Variants in TRPM3 observed in about 807,000 individuals in gnomAD.
TRPM3 encodes the protein transient receptor potential cation channel subfamily M member 3.
TRPM3 carries 77 observed loss-of-function variants against 181.2 expected under a neutral mutation model. That is an observed-to-expected ratio of 0.42 (90% CI 0.35 to 0.51). The LOEUF (loss-of-function observed/expected upper bound fraction) is 0.51. Among genes scored for constraint, TRPM3 ranks in the 20% least tolerant of loss-of-function variants. The pLI is 0.01. For synonymous variants in TRPM3, 745 were observed against 796.4 expected (o/e 0.94, Z 1.09); for missense variants, 1,759 against 2,196.7 (o/e 0.80, Z 3.98).
chr9:71,256,770 C>A (rs2082701263), intron 1 of TRPM3, among the ~76,000 whole-genome samples: 1 of 151,976 alleles, frequency 6.6e-6, no homozygotes, highest in Non-Finnish European at 1.5e-5. Context: ...TAGCAGGAGG[C>A]CCTTGCAAGG....
intron 1 of TRPM3, among the ~76,000 whole-genome samples, chr9:71,111,825 T>G (rs1347439774): frequency 6.6e-6 from 1 of 152,194 alleles, no homozygotes; most frequent in Non-Finnish European, 1.5e-5. Context: ...AAATAGTTAT[T>G]TGCCTTCTTT....
intron 22 of TRPM3, among the ~76,000 whole-genome samples, chr9:70,578,956 AG>A (rs895146090): frequency 2.0e-5 from 3 of 152,142 alleles, no homozygotes; most frequent in Non-Finnish European, 2.9e-5. Flanking sequence ...AAATACTTTC[AG>A]GGAGTGCCAA....
At chr9:71,101,577 C>T (rs927801021) in intron 1 of TRPM3, among the ~76,000 whole-genome samples, 9 of 152,102 alleles carry the variant, frequency 5.9e-5, no homozygotes. Flanking sequence ...AAAATTGGCA[C>T]ATAGCTGTGT....
intron 1 of TRPM3, among the ~76,000 whole-genome samples, chr9:71,331,438 A>G (rs901573146): frequency 1.3e-5 from 2 of 151,860 alleles, no homozygotes; most frequent in South Asian, 2.1e-4. Context: ...TGACATAGTT[A>G]CTGGACATAG....
In TRPM3 at chr9:70,536,203, T is replaced by C; in HGVS notation, c.4910A>G (p.Asn1637Ser). 6.2e-7 allele frequency: 1 copy of C among 1,614,228 alleles called. No individual in the cohort carries two copies. The highest frequency in any genetic ancestry group is 1.7e-5 in the Admixed American group (1 of 60,032). ...EGDNSERTLSNNITVPKIERA... is the reference protein window; with the variant it reads ...EGDNSERTLSSNITVPKIERA... ...CTCTATCTTGGGAACAGTGATGTTG[T>C]TGGACAGGGTTCTCTCTGAGTTATC... Residue 1637 changes from asparagine to serine, a missense_variant, in exon 26 of 26, where the codon AAC becomes AGC. Transcript: ENST00000677713.
intron 1 of TRPM3, among the ~76,000 whole-genome samples, chr9:71,113,369 G>A (rs568867792): frequency 2.2e-4 from 33 of 152,284 alleles, no homozygotes; most frequent in Admixed American, 1.4e-3. Flanking sequence ...TCCAGTTTGG[G>A]CAATGTGGTG....
intron 1 of TRPM3, among the ~76,000 whole-genome samples, chr9:71,065,300 G>A (rs1224349839): frequency 6.6e-6 from 1 of 152,118 alleles, no homozygotes; most frequent in Admixed American, 6.6e-5. Context: ...CCACTAATTG[G>A]TTTAAAGTTC....
At chr9:71,430,844 T>C (rs1022111334) in intron 1 of TRPM3, among the ~76,000 whole-genome samples, 2 of 152,168 alleles carry the variant, frequency 1.3e-5, no homozygotes, top group Non-Finnish European at 2.9e-5. Context: ...AGGGGTATTT[T>C]TGATTAAATG....
At chr9:70,830,891 T>G (rs2093848222) in intron 5 of TRPM3, among the ~76,000 whole-genome samples, 1 of 152,198 alleles carries the variant, frequency 6.6e-6, no homozygotes, top group Admixed American at 6.5e-5. Context: ...TGCTCTATTT[T>G]ACCAACTATA....
intron 12 of TRPM3, among the ~76,000 whole-genome samples, chr9:70,630,152 G>A (rs184836029): frequency 6.6e-6 from 1 of 152,338 alleles, no homozygotes; most frequent in East Asian, 1.9e-4. Flanking sequence ...TGACCCCATA[G>A]AGGAAACAGC....
chr9:70,813,967 A>G (rs1456827267), intron 6 of TRPM3, among the ~76,000 whole-genome samples: 1 of 152,250 alleles, frequency 6.6e-6, no homozygotes, highest in African/African-American at 2.4e-5. Flanking sequence ...GTATACAGCT[A>G]TACCTTATTT....
intron 25 of TRPM3, among the ~76,000 whole-genome samples, chr9:70,542,080 C>T (rs1248544984): frequency 6.6e-6 from 1 of 152,114 alleles, no homozygotes; most frequent in East Asian, 1.9e-4. Context: ...CAGATGGCGC[C>T]ATTGTACTCC....
At chr9:70,841,892 G>C (rs2094691280) in intron 5 of TRPM3, among the ~76,000 whole-genome samples, 1 of 151,574 alleles carries the variant, frequency 6.6e-6, no homozygotes, top group African/African-American at 2.4e-5. Context: ...AGGCACACAT[G>C]GACATACAGA....
At chr9:70,787,763 C>CTTTTTTTTTTTTTTTTTTTTGTTTT (rs2084054300) in intron 6 of TRPM3, among the ~76,000 whole-genome samples, 20 of 68,558 alleles carry the variant, frequency 2.9e-4, no homozygotes, top group East Asian at 6.0e-4. Flanking sequence ...TTTTTGGATT[C>CTTTTTTTTTTTTTTTTTTTTGTTTT]TTTTTTTTTT....
In TRPM3 at chr9:70,639,184, A is replaced by G; in HGVS notation, c.1457T>C (p.Leu486Pro). 1 of 1,613,848 alleles carries G rather than the reference A, an allele frequency of 6.2e-7. No individual in the cohort carries two copies. Among genetic ancestry groups the G allele is most frequent in the Non-Finnish European group, 8.5e-7 (1 of 1,179,860 alleles). Residue 486 changes from leucine (L) to proline (P), a missense_variant, in exon 11 of 26, where the codon CTG (leucine) becomes CCG (proline). Coordinates refer to ENST00000677713, the MANE Select transcript of TRPM3 (RefSeq NM_001366145.2). ...IYGQQWPVGS[L>P]EQAMLDALVL... ...TAAGGCATCCAACATGGCTTGCTCC[A>G]GAGATCCCACCTGCAAACCAAGTCA...
In TRPM3 at chr9:71,431,791, C is replaced by A. The variant is rs1330137190; in HGVS notation, c.183+14862G>T. 3.9e-5 allele frequency among the ~76,000 whole-genome samples: 6 copies of A among 152,150 alleles called. No individual in the cohort carries two copies. The East Asian group carries it at 9.6e-4, about 24-fold the overall frequency. On this transcript the variant is annotated intron_variant, in intron 1 of 24. Transcript: ENST00000357533. ...GATGATGAAAGATTACATAAGAGAT[C>A]ATTGAAACAGCCTGGTATTAATAAA...
At chr9:71,213,865 AT>A (rs2079676234) in intron 1 of TRPM3, among the ~76,000 whole-genome samples, 5 of 152,138 alleles carry the variant, frequency 3.3e-5, no homozygotes, top group Admixed American at 3.3e-4. Flanking sequence ...TAACCTACAT[AT>A]TTTTTCCTGG....
intron 1 of TRPM3, among the ~76,000 whole-genome samples, chr9:71,252,822 A>G (rs1049322189): frequency 7.0e-6 from 1 of 143,044 alleles, no homozygotes; most frequent in Non-Finnish European, 1.5e-5. Context: ...ACAGGCATGC[A>G]CACCTCGCCT....
intron 1 of TRPM3, among the ~76,000 whole-genome samples, chr9:71,184,683 A>C (rs1053808759): frequency 6.6e-6 from 1 of 152,240 alleles, no homozygotes; most frequent in Non-Finnish European, 1.5e-5. Flanking sequence ...TCTCATGAGC[A>C]GTCTCCATTT....
Sources: allele counts gnomAD v4.1 joint callset (sites outside exome capture counted in the v4.1 genomes callset), GRCh38; gene constraint gnomAD v4.1.1; transcripts MANE v1.5; gene names NCBI Gene and HGNC (gene_info 2026-07-23, HGNC 2026-07-21).